Variants in CNDP1 observed in about 807,000 individuals in gnomAD.
CNDP1 encodes the protein carnosine dipeptidase 1.
A neutral mutation model predicts 58.1 loss-of-function variants in CNDP1; 44 were observed. That is an observed-to-expected ratio of 0.76 (90% confidence interval 0.60 to 0.97). The LOEUF (loss-of-function observed/expected upper bound fraction) is 0.97. Among genes scored for constraint, CNDP1 ranks in the 50% least tolerant of loss-of-function variants. The pLI, the probability that CNDP1 is intolerant of heterozygous loss-of-function variation, is 0.00. For missense variants in CNDP1, 616 were observed against 655.1 expected (o/e 0.94, Z 0.65); for synonymous variants, 254 against 252.6 (o/e 1.01, Z -0.05).
intron 1 of CNDP1, among the ~76,000 whole-genome samples, chr18:74,546,505 A>AC (rs1037981925): frequency 1.3e-5 from 2 of 151,396 alleles, no homozygotes; most frequent in African/African-American, 2.4e-5. Context: ...GTCTCGTGCC[A>AC]CCCCCCTTAA....
chr18:74,543,492 C>G (rs1980679740), intron 1 of CNDP1, among the ~76,000 whole-genome samples: 1 of 145,678 alleles, frequency 6.9e-6, no homozygotes, highest in Non-Finnish European at 1.5e-5. Context: ...GATCCTGTCT[C>G]AAAAAATAAA....
At chr18:74,544,653 A>T (rs1980710714) in intron 1 of CNDP1, among the ~76,000 whole-genome samples, 1 of 131,064 alleles carries the variant, frequency 7.6e-6, no homozygotes, top group Non-Finnish European at 1.6e-5. Flanking sequence ...CGGGAGGTGG[A>T]GGTTGCAGTG....
intron 8 of CNDP1, chr18:74,577,873 T>A (rs1446571080): frequency 3.4e-6 from 1 of 295,674 alleles, no homozygotes; most frequent in East Asian, 5.8e-5. Flanking sequence ...ACGTGCCCGA[T>A]CTCGTTTGAA....
chr18:74,538,208 A>T (rs1342874757), intron 1 of CNDP1, among the ~76,000 whole-genome samples: 1 of 152,090 alleles, frequency 6.6e-6, no homozygotes, highest in Non-Finnish European at 1.5e-5. Context: ...CCCTCACCTT[A>T]TCCTTAAACA....
At chr18:74,535,798 A>G (rs1599082341) in intron 1 of CNDP1, among the ~76,000 whole-genome samples, 1 of 152,166 alleles carries the variant, frequency 6.6e-6, no homozygotes, top group Non-Finnish European at 1.5e-5. Flanking sequence ...TTAGGAGGCC[A>G]AAGCAGGAGG....
At chr18:74,573,711 G>A (rs1038852034) in intron 7 of CNDP1, among the ~76,000 whole-genome samples, 1 of 152,210 alleles carries the variant, frequency 6.6e-6, no homozygotes, top group Non-Finnish European at 1.5e-5. Flanking sequence ...ATCTTTAGGA[G>A]CACATTTTGC....
intron 7 of CNDP1, among the ~76,000 whole-genome samples, chr18:74,575,500 A>T (rs1233896046): frequency 1.3e-5 from 2 of 152,122 alleles, no homozygotes; most frequent in Non-Finnish European, 1.5e-5. Context: ...TTTGCCTTTG[A>T]TACGTATTTT....
chr18:74,561,983 G>T, intron 4 of CNDP1, 64 bp from the exon 5 acceptor site: 1 of 1,361,114 alleles, frequency 7.3e-7, no homozygotes, highest in South Asian at 1.2e-5. Flanking sequence ...AAACGACATT[G>T]GTTTTTAACT....
chr18:74,546,219 G>C (rs1980755640), intron 1 of CNDP1, among the ~76,000 whole-genome samples: 1 of 152,226 alleles, frequency 6.6e-6, no homozygotes, highest in East Asian at 1.9e-4. Flanking sequence ...GTGCTGTGCT[G>C]TCTCTCTGGC....
rs778298894 is a variant in CNDP1, at chr18:74,580,194, T to C, written c.1232T>C (p.Met411Thr). The C allele has an allele frequency of 2.5e-6, 4 of 1,614,114 alleles. No homozygotes were observed. In the South Asian group the frequency reaches 4.4e-5, roughly 18 times the overall value. ...AGTTCCAACAAGATGGTTGTTTCCA[T>C]GACTCTAGGACTACACCCGTGGATT... ...RNSSNKMVVS[M>T]TLGLHPWIAN... Residue 411 changes from methionine (M) to threonine (T), a missense_variant, in exon 10 of 12, where the codon ATG (methionine) becomes ACG (threonine). Transcript: ENST00000358821.
chr18:74,541,243 G>A (rs1203429594), intron 1 of CNDP1, among the ~76,000 whole-genome samples: 1 of 152,228 alleles, frequency 6.6e-6, no homozygotes, highest in Admixed American at 6.5e-5. Context: ...GGTGTGCAGA[G>A]GCACCGTTTA....
At chr18:74,560,803 T>C in intron 3 of CNDP1, 53 bp from the exon 4 acceptor site, 5 of 1,558,096 alleles carry the variant, frequency 3.2e-6, no homozygotes, top group Non-Finnish European at 3.5e-6. Context: ...CTTTGAATTT[T>C]CTGGAAGAAC....
chr18:74,556,496 C>G, intron 2 of CNDP1, 30 bp downstream of exon 2: 1 of 1,612,112 alleles, frequency 6.2e-7, no homozygotes, highest in Non-Finnish European at 8.5e-7. Flanking sequence ...CAACTACACA[C>G]AGAATGCTTG....
Position 74,567,487 on chromosome 18 carries a change from G to C in CNDP1, c.756+54G>C, listed in dbSNP as rs1981361687. ...AGGCCTGTGGGGGTTGTGAATGGGA[G>C]CACCAATCCATTCTGGGATCTTGGA... On this transcript the variant is annotated intron_variant, in intron 6 of 11. Coordinates refer to ENST00000358821, the MANE Select transcript of CNDP1 (RefSeq NM_032649.6). The C allele has an allele frequency of 5.0e-5, 71 of 1,412,700 alleles. 2 individuals are homozygous for C. In the South Asian group the frequency reaches 7.7e-4, roughly 15 times the overall value. The allele number at this position is 1,412,700 out of a possible 1,614,324, so 87.5% of individuals were successfully genotyped here.
chr18:74,560,386 T>G (rs1362972396), intron 3 of CNDP1, among the ~76,000 whole-genome samples: 1 of 152,194 alleles, frequency 6.6e-6, no homozygotes, highest in Non-Finnish European at 1.5e-5. Context: ...AGAAGCACTT[T>G]ACTTTTGATT....
intron 6 of CNDP1, among the ~76,000 whole-genome samples, chr18:74,570,134 G>C (rs1189497271): frequency 4.0e-5 from 6 of 150,374 alleles, no homozygotes; most frequent in African/African-American, 1.2e-4. Context: ...GGGAGGCGGA[G>C]ATTGCAGTGA....
In CNDP1 at chr18:74,578,257, C is replaced by G. The variant is rs1056004055; in HGVS notation, c.1097C>G (p.Pro366Arg). Residue 366 changes from proline (P) to arginine (R), a missense_variant, in exon 9 of 12, where the codon CCT (proline) becomes CGT (arginine). By Grantham distance (103) the Pro-to-Arg change is moderately radical. Coordinates refer to ENST00000358821, the MANE Select transcript of CNDP1 (RefSeq NM_032649.6). ...GAGCCTGGAACTAAAACAGTCATAC[C>G]TGGCCGAGTTATAGGAAAATTTTCA... Reference protein sequence around the residue: ...FDEPGTKTVIPGRVIGKFSIR... With the variant: ...FDEPGTKTVIRGRVIGKFSIR... 2 of 1,614,034 alleles carry G rather than the reference C, an allele frequency of 1.2e-6. No individual in the cohort carries two copies. The highest frequency in any genetic ancestry group is 1.7e-6 in the Non-Finnish European group (2 of 1,180,000).
At chr18:74,571,784 A>G (rs1011957265) in intron 7 of CNDP1, among the ~76,000 whole-genome samples, 18 of 152,160 alleles carry the variant, frequency 1.2e-4, no homozygotes, top group African/African-American at 4.1e-4. Context: ...GTTTTTCACG[A>G]CAGACTGGCC....
intron 2 of CNDP1, among the ~76,000 whole-genome samples, chr18:74,557,246 G>A (rs890180897): frequency 2.6e-5 from 4 of 151,984 alleles, no homozygotes; most frequent in Admixed American, 1.3e-4. Context: ...TTTTGAGACA[G>A]GGTCTTGCTC....
Sources: allele counts gnomAD v4.1 joint callset (sites outside exome capture counted in the v4.1 genomes callset), GRCh38; gene constraint gnomAD v4.1.1; transcripts MANE v1.5; gene names NCBI Gene and HGNC (gene_info 2026-07-23, HGNC 2026-07-21).